The following MDGA1 variants were observed in gnomAD, a reference collection of about 807,000 sequenced individuals.
The protein encoded by MDGA1 is MAM domain-containing glycosylphosphatidylinositol anchor protein 1.
MDGA1 carries 54 observed loss-of-function variants against 101.5 expected under a neutral mutation model. The ratio of observed to expected loss-of-function variants is 0.53; its 90% CI spans 0.43 to 0.67. The LOEUF (loss-of-function observed/expected upper bound fraction) is 0.67, where lower values mean the gene tolerates loss of function less well. MDGA1 is among the 30% of genes least tolerant of loss of function. MDGA1 has a pLI of 0.00. For missense variants in MDGA1, 1,083 were observed against 1,323.8 expected (o/e 0.82, Z 2.82); for synonymous variants, 533 against 558.3 (o/e 0.95, Z 0.64).
At chr6:37,641,667 C>T (rs1209480321) in intron 14 of MDGA1, 1 of 152,144 alleles carries the variant, frequency 6.6e-6, no homozygotes, top group East Asian at 1.9e-4. Context: ...GCTTTATTCA[C>T]CACATAAAAC....
In MDGA1 at chr6:37,644,655, T is replaced by G; in HGVS notation, c.2249-6A>C. The G allele has an allele frequency of 6.4e-7, 1 of 1,567,262 alleles. No individual in the cohort carries two copies. The highest frequency in any genetic ancestry group is 8.6e-7 in the Non-Finnish European group (1 of 1,156,500). ...CTCAAAGTGGCAGGTGTTGTCTGCA[T>G]TTTATGGGGCGAATGAGACAAAGAG... On this transcript the variant is annotated splice_region_variant and splice_polypyrimidine_tract_variant and intron_variant, in intron 12 of 16. Coordinates refer to ENST00000434837, the MANE Select transcript of MDGA1 (RefSeq NM_153487.4).
Position 37,642,580 on chromosome 6 carries a change from G to A in MDGA1, c.2536+1229C>T, listed in dbSNP as rs76374147. ...TGGGATGGGAGGGCGTCTGCATTAT[G>A]TGCCCTTTTGTACCTTTTGGCCTTT... On this transcript the variant is annotated intron_variant, in intron 14 of 16. Transcript: ENST00000434837. Among the ~76,000 whole-genome samples the A allele has an allele frequency of 4.4e-3, 671 of 152,220 alleles. 2 individuals are homozygous for A. The highest frequency in any genetic ancestry group is 6.6e-3 in the Non-Finnish European group (448 of 68,014).
chr6:37,667,962 C>A (rs1386247368), intron 1 of MDGA1, among the ~76,000 whole-genome samples: 2 of 152,078 alleles, frequency 1.3e-5, no homozygotes, highest in Non-Finnish European at 2.9e-5. Context: ...TTAAGATTAT[C>A]CAGCTCCTGG....
At position 37,684,527 on chromosome 6, in the gene MDGA1, G is replaced by A. The variant is rs560746780; in HGVS notation, c.67+12218C>T. Among the ~76,000 whole-genome samples, 22 of 152,330 alleles carry A rather than the reference G, an allele frequency of 1.4e-4. No homozygotes were observed. In the South Asian group the frequency reaches 4.3e-3, roughly 30 times the overall value. On this transcript the variant is annotated intron_variant, in intron 1 of 16. Coordinates refer to ENST00000434837, the MANE Select transcript of MDGA1 (RefSeq NM_153487.4). ...CCCCTAAGCCTGGGAGGTGACACAG[G>A]AGAATGAGAAAGAAAGCTGTAGAAA...
At chr6:37,651,382 T>C (rs1001118704) in intron 7 of MDGA1, among the ~76,000 whole-genome samples, 1 of 152,270 alleles carries the variant, frequency 6.6e-6, no homozygotes, top group Non-Finnish European at 1.5e-5. Context: ...ATAATTTAAA[T>C]ACAAAGTTCT....
intron 3 of MDGA1, among the ~76,000 whole-genome samples, chr6:37,657,675 AC>A (rs935302457): frequency 1.3e-5 from 2 of 152,190 alleles, no homozygotes; most frequent in Non-Finnish European, 2.9e-5. Flanking sequence ...GTTTCTGGGT[AC>A]CTGACTCAGC....
chr6:37,693,178 C>A (rs1176913697), intron 1 of MDGA1, among the ~76,000 whole-genome samples: 1 of 152,210 alleles, frequency 6.6e-6, no homozygotes, highest in Non-Finnish European at 1.5e-5. Context: ...CCCCAAGCCT[C>A]TGTTAGCCCC....
chr6:37,665,270 G>C lies in MDGA1; in HGVS notation c.68-1164C>G, dbSNP rs564125345. Among the ~76,000 whole-genome samples, 27 of 152,308 alleles carry C rather than the reference G, an allele frequency of 1.8e-4. No individual in the cohort carries two copies. In the East Asian group the frequency reaches 2.9e-3, roughly 16 times the overall value. Reference sequence around the variant, plus strand: ...AACTTCACAGGTTCTGCTCACAGGTGAGACGGGAGAGAGTGAAGGTAGAAG... The same window carrying C: ...AACTTCACAGGTTCTGCTCACAGGTCAGACGGGAGAGAGTGAAGGTAGAAG... On this transcript the variant is annotated intron_variant, in intron 1 of 16. Coordinates refer to ENST00000434837, the MANE Select transcript of MDGA1 (RefSeq NM_153487.4).
In MDGA1 at chr6:37,671,211, C is replaced by T. The variant is rs3893024; in HGVS notation, c.68-7105G>A. Reference sequence around the variant, plus strand: ...CAATTAAGGATGCTGCATGTTCTTTCTCTCGCCCTCTCTGAGAAAGACTTA... The same window carrying T: ...CAATTAAGGATGCTGCATGTTCTTTTTCTCGCCCTCTCTGAGAAAGACTTA... On this transcript the variant is annotated intron_variant, in intron 1 of 16. Transcript: ENST00000434837. 4.2e-3 allele frequency among the ~76,000 whole-genome samples: 647 copies of T among 152,310 alleles called. 7 individuals are homozygous for T. Among genetic ancestry groups the T allele is most frequent in the African/African-American group, 0.014 (586 of 41,548 alleles).
chr6:37,666,764 C>G (rs1761763006), intron 1 of MDGA1, among the ~76,000 whole-genome samples: 1 of 152,164 alleles, frequency 6.6e-6, no homozygotes, highest in Admixed American at 6.5e-5. Flanking sequence ...ATAGAAGGCC[C>G]TGGGATGTCA....
In MDGA1 at chr6:37,644,480, G is replaced by A; in HGVS notation, c.2401+17C>T. ...CTGAAGCAATCCTCCATTTCTGGCAGCAGGCCAGGTCCTCACCCTCAGGGG... is the reference window on the plus strand; with the variant it reads ...CTGAAGCAATCCTCCATTTCTGGCAACAGGCCAGGTCCTCACCCTCAGGGG... On this transcript the variant is annotated intron_variant, in intron 13 of 16. Coordinates refer to ENST00000434837, the MANE Select transcript of MDGA1 (RefSeq NM_153487.4). The A allele has an allele frequency of 6.6e-7, 1 of 1,526,030 alleles. No homozygotes were observed. Among genetic ancestry groups the A allele is most frequent in the Non-Finnish European group, 8.8e-7 (1 of 1,135,980 alleles). The allele number at this position is 1,526,030 out of a possible 1,614,324, so 94.5% of individuals were successfully genotyped here. A position where few individuals can be genotyped will look rare whatever the true frequency, so the allele number is the denominator to read the frequency against.
rs1763854888 is a variant in MDGA1, at chr6:37,633,030, T to C, written c.*4338A>G. The C allele has an allele frequency of 6.6e-6, 1 of 151,652 alleles. No homozygotes were observed. The highest frequency in any genetic ancestry group is 6.6e-5 in the Admixed American group (1 of 15,224). 9.4% of individuals were successfully genotyped at this position (151,652 alleles called of 1,614,324 possible). A position where few individuals can be genotyped will look rare whatever the true frequency, so the allele number is the denominator to read the frequency against. On this transcript the variant is annotated 3_prime_UTR_variant, in exon 17 of 17. Coordinates refer to ENST00000434837, the MANE Select transcript of MDGA1 (RefSeq NM_153487.4). ...CCTAGGAGGGTCCCTGGGAAATGAG[T>C]GCAGGCAACAAGAGGGCAAGGGGTG...
rs1467071978 is a variant in MDGA1 at position 37,696,025 on chromosome 6, G to A, written c.67+720C>T. 6.6e-6 allele frequency among the ~76,000 whole-genome samples: 1 copy of A among 152,192 alleles called. No individual in the cohort carries two copies. Among genetic ancestry groups the A allele is most frequent in the Non-Finnish European group, 1.5e-5 (1 of 68,028 alleles). On this transcript the variant is annotated intron_variant, in intron 1 of 16. Transcript: ENST00000434837. The surrounding 1 kb of genome is among the most constrained non-coding windows in gnomAD (Gnocchi z 5.6). ...GCAGGAGCAAGGCTGCGTGGCAGGAGGCAGAGTTTGGACACGTATCCCGGT... is the reference window on the plus strand; with the variant it reads ...GCAGGAGCAAGGCTGCGTGGCAGGAAGCAGAGTTTGGACACGTATCCCGGT...
chr6:37,691,474 G>T (rs984525019), intron 1 of MDGA1, among the ~76,000 whole-genome samples: 3 of 152,128 alleles, frequency 2.0e-5, no homozygotes, highest in Admixed American at 1.3e-4. Context: ...CTCCCTAAAA[G>T]GTTCATTCCC....
chr6:37,647,095 C>A, intron 10 of MDGA1, 78 bp downstream of exon 10: 1 of 1,360,538 alleles, frequency 7.4e-7, no homozygotes, highest in African/African-American at 1.4e-5. Flanking sequence ...GACCCTTCCT[C>A]TGGCCTTGAT....
chr6:37,675,608 C>T (rs199762960), intron 1 of MDGA1, among the ~76,000 whole-genome samples: 14 of 152,246 alleles, frequency 9.2e-5, no homozygotes, highest in African/African-American at 1.4e-4. Flanking sequence ...GGAGGAAAAG[C>T]TCTCCCTGTG....
Position 37,670,133 on chromosome 6 carries a change from T to C in MDGA1, c.68-6027A>G, listed in dbSNP as rs147784623. Among the ~76,000 whole-genome samples, 18 of 152,274 alleles carry C rather than the reference T, an allele frequency of 1.2e-4. No individual in the cohort carries two copies. The East Asian group carries it at 1.9e-3, about 16-fold the overall frequency. On this transcript the variant is annotated intron_variant, in intron 1 of 16. Transcript: ENST00000434837. ...CTCTGAGCCTCAGCCTCTTCATTTA[T>C]AAAATAAGAACAATGATGCCTTCTC... is the stretch of plus-strand genomic sequence containing the variant.
At chr6:37,678,530 C>T (rs1275436440) in intron 1 of MDGA1, among the ~76,000 whole-genome samples, 2 of 152,144 alleles carry the variant, frequency 1.3e-5, no homozygotes, top group African/African-American at 4.8e-5. Flanking sequence ...AAAGCCAATG[C>T]GTTTTCAACA....
At position 37,696,887 on chromosome 6, in the gene MDGA1, G is replaced by T; in HGVS notation, c.-76C>A. Reference sequence around the variant, plus strand: ...CGGGGGGCGCATTCGCCGGGGCCCCGCGACGCCCCTATGTCCCCCCCTTTC... The same window carrying T: ...CGGGGGGCGCATTCGCCGGGGCCCCTCGACGCCCCTATGTCCCCCCCTTTC... On this transcript the variant is annotated 5_prime_UTR_variant, in exon 1 of 17. Transcript: ENST00000434837. This position sits in a 1 kb window ranked among gnomAD's most constrained non-coding sequence, Gnocchi z 5.6. The T allele has an allele frequency of 8.1e-7, 1 of 1,239,498 alleles. No homozygotes were observed. Among genetic ancestry groups the T allele is most frequent in the Non-Finnish European group, 1.2e-6 (1 of 864,806 alleles). 76.8% of individuals were successfully genotyped at this position (1,239,498 alleles called of 1,614,324 possible).
Sources: allele counts gnomAD v4.1 joint callset (sites outside exome capture counted in the v4.1 genomes callset), GRCh38; gene constraint gnomAD v4.1.1; non-coding constraint Gnocchi (gnomAD v3.1); transcripts MANE v1.5; gene names NCBI Gene and HGNC (gene_info 2026-07-23, HGNC 2026-07-21).